Variants in KCNN3 observed in about 807,000 individuals in gnomAD.
KCNN3 encodes the protein small conductance calcium-activated potassium channel protein 3.
A neutral mutation model predicts 62.9 loss-of-function variants in KCNN3; 16 were observed. The ratio of observed to expected loss-of-function variants is 0.25; its 90% CI spans 0.17 to 0.39. The LOEUF is 0.39. KCNN3 is among the 10% of genes least tolerant of loss of function. KCNN3 has a pLI of 1.00. For missense variants in KCNN3, 599 were observed against 949.4 expected (o/e 0.63, Z 4.85); for synonymous variants, 370 against 389.2 (o/e 0.95, Z 0.58).
chr1:154,846,921 CCAACCT>C (rs1462010633), intron 1 of KCNN3, among the ~76,000 whole-genome samples: 9 of 152,292 alleles, frequency 5.9e-5, no homozygotes, highest in African/African-American at 2.2e-4. Context: ...GCCCCCAAGG[CCAACCT>C]CCCATCACCA....
At position 154,738,191 on chromosome 1, in the gene KCNN3, G is replaced by A. The variant is rs191275732; in HGVS notation, c.1449-5047C>T. Among the ~76,000 whole-genome samples the A allele has an allele frequency of 2.6e-5, 4 of 152,224 alleles. No homozygotes were observed. In the East Asian group the frequency reaches 7.7e-4, roughly 29 times the overall value. On this transcript the variant is annotated intron_variant, in intron 3 of 7. Coordinates refer to ENST00000271915, the MANE Select transcript of KCNN3 (RefSeq NM_002249.6). ...TATTGTGAAATTTCAGAACACCAGG[G>A]GAAAGGAGACAATCCTACAGAGCTT... is the stretch of plus-strand genomic sequence containing the variant.
intron 2 of KCNN3, among the ~76,000 whole-genome samples, chr1:154,805,429 T>C (rs933388313): frequency 6.6e-6 from 1 of 152,212 alleles, no homozygotes; most frequent in Non-Finnish European, 1.5e-5. Context: ...GCACCAGTAT[T>C]ATTTTAAAGC....
At chr1:154,775,586 G>T in intron 2 of KCNN3, among the ~76,000 whole-genome samples, 1 of 9,414 alleles carries the variant, frequency 1.1e-4, no homozygotes, top group African/African-American at 5.4e-4. Context: ...ACCCACCCAT[G>T]AGGATCCTGA....
At chr1:154,727,141 C>G (rs1474261331) in intron 4 of KCNN3, among the ~76,000 whole-genome samples, 1 of 152,234 alleles carries the variant, frequency 6.6e-6, no homozygotes. Flanking sequence ...CGTCAGAGAC[C>G]ATCGCCCTCT....
chr1:154,851,429 G>A (rs1571338484), intron 1 of KCNN3, among the ~76,000 whole-genome samples: 1 of 152,138 alleles, frequency 6.6e-6, no homozygotes, highest in South Asian at 2.1e-4. Context: ...GGTGCTACAC[G>A]CATTATATGG....
intron 1 of KCNN3, among the ~76,000 whole-genome samples, chr1:154,837,318 G>A (rs1160447494): frequency 6.6e-6 from 1 of 151,402 alleles, no homozygotes; most frequent in African/African-American, 2.4e-5. Context: ...TCTTTTTTTT[G>A]CATTTTAGTA....
chr1:154,853,802 G>C (rs1020267346), intron 1 of KCNN3, among the ~76,000 whole-genome samples: 1 of 152,044 alleles, frequency 6.6e-6, no homozygotes, highest in Non-Finnish European at 1.5e-5. Context: ...AAATTAACTG[G>C]GCATGGTGGT....
intron 2 of KCNN3, among the ~76,000 whole-genome samples, chr1:154,799,800 G>A (rs1164101843): frequency 6.6e-6 from 1 of 152,186 alleles, no homozygotes; most frequent in East Asian, 1.9e-4. Flanking sequence ...CAAGAGATCT[G>A]GCAGCAGAGC....
chr1:154,847,376 A>C (rs1389239965), intron 1 of KCNN3, among the ~76,000 whole-genome samples: 1 of 152,182 alleles, frequency 6.6e-6, no homozygotes, highest in Non-Finnish European at 1.5e-5. Flanking sequence ...CCAGCCAGCC[A>C]ATGGGAAATG....
At chr1:154,780,909 G>C (rs1649015119) in intron 2 of KCNN3, among the ~76,000 whole-genome samples, 2 of 152,178 alleles carry the variant, frequency 1.3e-5, no homozygotes, top group Non-Finnish European at 2.9e-5. Context: ...GCCTTGTCAG[G>C]GAAGTCTATG....
At chr1:154,849,516 C>T (rs771663749) in intron 1 of KCNN3, among the ~76,000 whole-genome samples, 5 of 152,200 alleles carry the variant, frequency 3.3e-5, no homozygotes, top group Non-Finnish European at 7.3e-5. Context: ...TGTGTAGACA[C>T]CACTGCCCCA....
At chr1:154,745,993 G>A (rs1037579795) in intron 3 of KCNN3, among the ~76,000 whole-genome samples, 1 of 152,306 alleles carries the variant, frequency 6.6e-6, no homozygotes, top group South Asian at 2.1e-4. Context: ...GCCTAGGGAA[G>A]GCGCTTACCT....
chr1:154,714,071 TTG>T (rs1700138177), intron 6 of KCNN3, among the ~76,000 whole-genome samples: 1 of 4,210 alleles, frequency 2.4e-4, no homozygotes. Flanking sequence ...TGTGTGGTGT[TTG>T]TGTGTGGTGT....
chr1:154,854,106 G>A lies in KCNN3; in HGVS notation c.933+14926C>T, dbSNP rs1652417534. On this transcript the variant is annotated intron_variant, in intron 1 of 7. Transcript: ENST00000271915. ...AAAAATTAGCCAGGTGTTGTGGCAG[G>A]CACCTGTGGTCCCAGCTACTCGGGA... Among the ~76,000 whole-genome samples, 3 of 151,736 alleles carry A rather than the reference G, an allele frequency of 2.0e-5. No individual in the cohort carries two copies. The South Asian group carries it at 6.3e-4, about 32-fold the overall frequency.
Position 154,706,514 on chromosome 1 carries a change from G to A in KCNN3, c.*1462C>T, listed in dbSNP as rs1046775371. ...AGCAATGAAAACATTTTTCTGCGCC[G>A]CTCATTACACTAAATCTTGATGTTT... On this transcript the variant is annotated 3_prime_UTR_variant, in exon 8 of 8. Transcript: ENST00000271915. 6 of 152,226 alleles carry A rather than the reference G, an allele frequency of 3.9e-5. No individual in the cohort carries two copies. The highest frequency in any genetic ancestry group is 9.6e-5 in the African/African-American group (4 of 41,528). 9.4% of individuals were successfully genotyped at this position (152,226 alleles called of 1,614,324 possible). A position where few individuals can be genotyped will look rare whatever the true frequency, so the allele number is the denominator to read the frequency against.
intron 2 of KCNN3, among the ~76,000 whole-genome samples, chr1:154,775,504 A>T (rs1461513308): frequency 6.6e-6 from 1 of 152,128 alleles, no homozygotes; most frequent in South Asian, 2.1e-4. Context: ...ACTACAAAGG[A>T]TCATTTGTTC....
intron 1 of KCNN3, among the ~76,000 whole-genome samples, chr1:154,831,419 G>A (rs1651373314): frequency 6.6e-6 from 1 of 152,198 alleles, no homozygotes; most frequent in African/African-American, 2.4e-5. Flanking sequence ...CACCACCCCA[G>A]AGCAATTAAA....
intron 1 of KCNN3, among the ~76,000 whole-genome samples, chr1:154,823,097 C>T (rs1414634540): frequency 6.6e-6 from 1 of 152,168 alleles, no homozygotes; most frequent in Non-Finnish European, 1.5e-5. Context: ...TGCAAAGTGC[C>T]CAGAACAGTG....
At chr1:154,716,957 C>T (rs142810659) in intron 5 of KCNN3, among the ~76,000 whole-genome samples, 11 of 152,348 alleles carry the variant, frequency 7.2e-5, no homozygotes, top group South Asian at 4.1e-4. Flanking sequence ...AGTTTCCCTA[C>T]GCACTTAGCC....
Sources: gnomAD v4.1 joint callset for allele counts (sites outside exome capture counted in the v4.1 genomes callset) on GRCh38, gnomAD v4.1.1 for gene constraint, MANE v1.5 for transcripts, NCBI Gene and HGNC (gene_info 2026-07-23, HGNC 2026-07-21) for gene names.